The following GK5 variants were observed in gnomAD, a reference collection of about 807,000 sequenced individuals.
GK5 encodes glycerol kinase 5, also known as ATP:glycerol 3-phosphotransferase 5.
A neutral mutation model predicts 77.3 loss-of-function variants in GK5; 39 were observed. The observed-to-expected ratio is 0.50, with a 90% CI of 0.39 to 0.66. The LOEUF (loss-of-function observed/expected upper bound fraction) is 0.66. Ranked by LOEUF, GK5 falls within the 30% of genes least tolerant of loss-of-function variation. The pLI, the probability that GK5 is intolerant of heterozygous loss-of-function variation, is 0.00. For synonymous variants in GK5, 211 were observed against 208.0 expected (o/e 1.01, Z -0.13); for missense variants, 487 against 633.8 (o/e 0.77, Z 2.49).
At chr3:142,201,297 A>G (rs1175126833) in intron 4 of GK5, among the ~76,000 whole-genome samples, 1 of 152,252 alleles carries the variant, frequency 6.6e-6, no homozygotes, top group East Asian at 1.9e-4. Context: ...ACTCAGCAAC[A>G]GAAAGGAATA....
At chr3:142,187,805 G>A (rs1396847647) in intron 5 of GK5, 26 bp from the exon 6 acceptor site, 12 of 1,566,938 alleles carry the variant, frequency 7.7e-6, no homozygotes, top group African/African-American at 2.7e-5. Flanking sequence ...GCACAAAATC[G>A]ATTCAAAAAG....
chr3:142,216,706 T>G (rs1211960657), intron 1 of GK5, among the ~76,000 whole-genome samples: 1 of 152,162 alleles, frequency 6.6e-6, no homozygotes, highest in Non-Finnish European at 1.5e-5. Context: ...CAGAAAGTTG[T>G]GTATGAACTC....
intron 5 of GK5, among the ~76,000 whole-genome samples, chr3:142,195,325 T>G (rs116538786): frequency 0.02 from 3,116 of 152,136 alleles, 118 homozygotes; most frequent in African/African-American, 0.071. Context: ...TAATATTTTG[T>G]TGAAGTTTTG....
chr3:142,186,895 T>C (rs1258829230), intron 6 of GK5, among the ~76,000 whole-genome samples: 2 of 152,150 alleles, frequency 1.3e-5, no homozygotes, highest in Non-Finnish European at 2.9e-5. Flanking sequence ...CCTCCCAAAG[T>C]ACTGGGATTA....
chr3:142,186,987 T>C (rs550869059), intron 6 of GK5, among the ~76,000 whole-genome samples: 1 of 152,310 alleles, frequency 6.6e-6, no homozygotes, highest in South Asian at 2.1e-4. Flanking sequence ...TTAATATTTA[T>C]GAACTTTTAT....
intron 2 of GK5, among the ~76,000 whole-genome samples, chr3:142,215,084 C>T (rs912557524): frequency 2.0e-5 from 3 of 152,136 alleles, no homozygotes; most frequent in African/African-American, 7.2e-5. Context: ...AGCAAGGTGG[C>T]CATTTCAATG....
rs766214440 is a variant in GK5, at chr3:142,185,671, C to A, written c.816+258G>T. 25 of 1,298,776 alleles carry A rather than the reference C, an allele frequency of 1.9e-5. No individual in the cohort carries two copies. In the East Asian group the frequency reaches 8.9e-4, roughly 46 times the overall value. 80.5% of individuals were successfully genotyped at this position (1,298,776 alleles called of 1,614,324 possible). A position where few individuals can be genotyped will look rare whatever the true frequency, so the allele number is the denominator to read the frequency against. On this transcript the variant is annotated intron_variant, in intron 9 of 15. Transcript: ENST00000392993. ...AAAAATTTTTTTTAATTTAAGTTTT[C>A]TGATAAACAATATACAAGCAAGTCA...
chr3:142,207,648 C>T (rs1319285263), intron 3 of GK5, among the ~76,000 whole-genome samples: 1 of 152,178 alleles, frequency 6.6e-6, no homozygotes, highest in Admixed American at 6.5e-5. Flanking sequence ...TAACCTACCC[C>T]CGCCCTCACT....
chr3:142,176,117 T>G (rs1476397734), intron 12 of GK5, among the ~76,000 whole-genome samples: 1 of 152,032 alleles, frequency 6.6e-6, no homozygotes, highest in Non-Finnish European at 1.5e-5. Flanking sequence ...CTGAAGAGGA[T>G]GCAATGGAAT....
rs1553825247 is a variant in GK5, at chr3:142,159,853, C to CTCTCTTTTTTTTTTTTTTTTTTTTT, written c.*5768_*5769insAAAAAAAAAAAAAAAAAAAAAGAGA. 2.8e-5 allele frequency: 3 copies of CTCTCTTTTTTTTTTTTTTTTTTTTT among 106,124 alleles called. No homozygotes were observed. Among genetic ancestry groups the CTCTCTTTTTTTTTTTTTTTTTTTTT allele is most frequent in the Non-Finnish European group, 3.8e-5 (2 of 53,072 alleles). The allele number at this position is 106,124 out of a possible 1,614,324, so 6.6% of individuals were successfully genotyped here. On this transcript the variant is annotated 3_prime_UTR_variant, in exon 16 of 16. Coordinates refer to ENST00000392993, the MANE Select transcript of GK5 (RefSeq NM_001039547.3). ...TTTCTCTCTCTCTCTCTCTCTCTCT[C>CTCTCTTTTTTTTTTTTTTTTTTTTT]TTTTTTTTTTTTGAGACAGAGTCTC...
At chr3:142,206,845 T>C (rs2064115000) in intron 3 of GK5, among the ~76,000 whole-genome samples, 1 of 152,212 alleles carries the variant, frequency 6.6e-6, no homozygotes, top group South Asian at 2.1e-4. Context: ...ATTGGTTTAT[T>C]GTTCACGTGT....
At chr3:142,194,993 A>G (rs973642737) in intron 5 of GK5, among the ~76,000 whole-genome samples, 6 of 151,834 alleles carry the variant, frequency 4.0e-5, no homozygotes, top group African/African-American at 1.2e-4. Flanking sequence ...ACTATTAAGT[A>G]TGGTGTCGGC....
chr3:142,201,634 A>G (rs753463661), intron 4 of GK5, among the ~76,000 whole-genome samples: 11 of 152,214 alleles, frequency 7.2e-5, no homozygotes, highest in Admixed American at 1.3e-4. Flanking sequence ...GAACTTATAT[A>G]CATACACATA....
chr3:142,187,736 A>G lies in GK5; in HGVS notation c.587T>C (p.Ile196Thr). The change falls in exon 6 of 16, where the codon ATT (isoleucine) becomes ACT (threonine). Residue 196 changes from isoleucine to threonine, a missense_variant. Ile to Thr is a moderately conservative substitution (Grantham distance 89). This residue lies in a region of GK5 where 323 missense variants were observed against 437.4 expected (regional missense o/e 0.74). Transcript: ENST00000392993. ...VEEENCCFGT[I>T]DTWLLYKLTK... ...GAGCTTATATAACAACCAGGTATCA[A>G]TAGTCCCAAAGCAGCAATTTTCTTC... 2 of 1,612,764 alleles carry G rather than the reference A, an allele frequency of 1.2e-6. No individual in the cohort carries two copies. Among genetic ancestry groups the G allele is most frequent in the Non-Finnish European group, 1.7e-6 (2 of 1,179,520 alleles).
At chr3:142,195,462 G>A (rs1353379176) in intron 5 of GK5, among the ~76,000 whole-genome samples, 1 of 152,112 alleles carries the variant, frequency 6.6e-6, no homozygotes, top group Non-Finnish European at 1.5e-5. Flanking sequence ...TCCCACCCCA[G>A]TCTCCCAAGT....
At position 142,159,665 on chromosome 3, in the gene GK5, G is replaced by A. The variant is rs542344214; in HGVS notation, c.*5957C>T. 6.6e-6 allele frequency: 1 copy of A among 151,880 alleles called. No individual in the cohort carries two copies. The highest frequency in any genetic ancestry group is 1.5e-5 in the Non-Finnish European group (1 of 67,986). The allele number at this position is 151,880 out of a possible 1,614,324, so 9.4% of individuals were successfully genotyped here. A position where few individuals can be genotyped will look rare whatever the true frequency, so the allele number is the denominator to read the frequency against. On this transcript the variant is annotated 3_prime_UTR_variant, in exon 16 of 16. Coordinates refer to ENST00000392993, the MANE Select transcript of GK5 (RefSeq NM_001039547.3). ...AAAAAGATTCCTTTTACTTGGAAAG[G>A]GGATTTAAAAAGAAAAAACCACCAA...
At chr3:142,197,971 T>G (rs1378159725) in intron 5 of GK5, among the ~76,000 whole-genome samples, 1 of 149,660 alleles carries the variant, frequency 6.7e-6, no homozygotes, top group East Asian at 2.0e-4. Flanking sequence ...TACAGTGAGC[T>G]GAGATCGCAC....
chr3:142,172,124 A>G (rs532608815), intron 13 of GK5, among the ~76,000 whole-genome samples: 1 of 152,238 alleles, frequency 6.6e-6, no homozygotes, highest in Non-Finnish European at 1.5e-5. Flanking sequence ...AAATCCTTCA[A>G]TTTTCAGATA....
At chr3:142,202,321 C>A (rs949799498) in intron 4 of GK5, among the ~76,000 whole-genome samples, 2 of 152,134 alleles carry the variant, frequency 1.3e-5, no homozygotes, top group Non-Finnish European at 2.9e-5. Context: ...GCAACAGTGG[C>A]AAGAGATTGC....
Sources: allele counts gnomAD v4.1 joint callset (sites outside exome capture counted in the v4.1 genomes callset), GRCh38; gene constraint gnomAD v4.1.1; regional missense constraint gnomAD v4.1.1; transcripts MANE v1.5; gene names NCBI Gene and HGNC (gene_info 2026-07-23, HGNC 2026-07-21).